The following C12orf54 variants were observed in gnomAD, a reference collection of about 807,000 sequenced individuals.
C12orf54 encodes the protein chromosome 12 open reading frame 54, also known as uncharacterized protein C12orf54.
Under a neutral mutation model 26.4 loss-of-function variants are expected in C12orf54, and 24 were observed. The observed-to-expected ratio is 0.91, with a 90% CI of 0.66 to 1.28. C12orf54 has a LOEUF of 1.28. Among genes scored for constraint, C12orf54 ranks in the 50% most tolerant of loss-of-function variants. The pLI, the probability that C12orf54 is intolerant of heterozygous loss-of-function variation, is 0.00. For missense variants in C12orf54, 154 were observed against 150.9 expected (o/e 1.02, Z -0.11); for synonymous variants, 54 against 47.0 (o/e 1.15, Z -0.61).
chr12:48,455,793 A>T, the C12orf54 span, among the ~76,000 whole-genome samples: 1 of 152,226 alleles, frequency 6.6e-6, no homozygotes, highest in Non-Finnish European at 1.5e-5. Flanking sequence ...TGATACATAC[A>T]CATAAATGAT....
the C12orf54 span, among the ~76,000 whole-genome samples, chr12:48,421,398 G>T: frequency 6.6e-6 from 1 of 151,254 alleles, no homozygotes; most frequent in Non-Finnish European, 1.5e-5. Flanking sequence ...ATGAGAAACT[G>T]CCCCCAGGAT....
the C12orf54 span, among the ~76,000 whole-genome samples, chr12:48,425,241 A>C: frequency 6.6e-6 from 1 of 151,812 alleles, no homozygotes; most frequent in Non-Finnish European, 1.5e-5. Flanking sequence ...CCCATCCTCC[A>C]CCCTCAAGTA....
the C12orf54 span, among the ~76,000 whole-genome samples, chr12:48,449,174 G>A: frequency 1.2e-4 from 19 of 152,100 alleles, no homozygotes; most frequent in Non-Finnish European, 2.4e-4. Flanking sequence ...GATGACAACT[G>A]TTTCCTATTC....
the C12orf54 span, among the ~76,000 whole-genome samples, chr12:48,419,346 T>C: frequency 1.3e-5 from 2 of 152,194 alleles, no homozygotes; most frequent in Admixed American, 1.3e-4. Context: ...CTTATCTCAA[T>C]TTTTCCAGTC....
the C12orf54 span, among the ~76,000 whole-genome samples, chr12:48,468,138 C>G: frequency 2.6e-5 from 4 of 152,048 alleles, no homozygotes; most frequent in African/African-American, 9.7e-5. Flanking sequence ...ATCAGACAAA[C>G]AAAACTATTA....
the C12orf54 span, among the ~76,000 whole-genome samples, chr12:48,414,110 T>A: frequency 1.3e-5 from 2 of 152,232 alleles, no homozygotes; most frequent in Admixed American, 1.3e-4. Flanking sequence ...TCCTAAAATA[T>A]CTTATTCCAG....
At chr12:48,486,069 G>T in intron 2 of C12orf54, 109 bp from the exon 3 acceptor site, 2 of 1,106,318 alleles carry the variant, frequency 1.8e-6, no homozygotes, top group East Asian at 2.4e-5. Flanking sequence ...TGGATTTTTA[G>T]TATAGAAACT....
chr12:48,417,203 G>T, the C12orf54 span: 1 of 152,212 alleles, frequency 6.6e-6, no homozygotes, highest in African/African-American at 2.4e-5. Flanking sequence ...CTGATCACCA[G>T]TGGCATTACC....
the C12orf54 span, among the ~76,000 whole-genome samples, chr12:48,422,199 GA>G: frequency 1.3e-5 from 2 of 150,974 alleles, no homozygotes; most frequent in African/African-American, 4.9e-5. Context: ...TGCTTCTGTT[GA>G]AAAAAAAATA....
At chr12:48,417,561 CT>C in the C12orf54 span, among the ~76,000 whole-genome samples, 7 of 152,190 alleles carry the variant, frequency 4.6e-5, no homozygotes, top group African/African-American at 1.4e-4. Flanking sequence ...GCCATTAGGT[CT>C]TTCAAAAAAT....
intron 6 of C12orf54, 131 bp downstream of exon 6, chr12:48,490,967 GTC>G (rs1937777445): frequency 8.7e-7 from 1 of 1,144,550 alleles, no homozygotes; most frequent in South Asian, 1.3e-5. Context: ...TCATCCCAAA[GTC>G]TCACCCTAGG....
the C12orf54 span, among the ~76,000 whole-genome samples, chr12:48,447,216 G>GTGTA: frequency 0.32 from 46,801 of 145,668 alleles, 8,456 homozygotes; most frequent in Non-Finnish European, 0.43. Flanking sequence ...CTTACTCTGT[G>GTGTA]TGTGTGTGTG....
At chr12:48,449,307 T>C in the C12orf54 span, among the ~76,000 whole-genome samples, 7 of 152,224 alleles carry the variant, frequency 4.6e-5, 1 homozygote, top group Middle Eastern at 0.02. Context: ...ATGCAAATTT[T>C]CCCCCACAAA....
At chr12:48,486,266 G>A in intron 3 of C12orf54, 58 bp downstream of exon 3, 2 of 1,543,078 alleles carry the variant, frequency 1.3e-6, no homozygotes, top group Non-Finnish European at 1.8e-6. Context: ...CTAGGGAGAG[G>A]GGAGGAGAAG....
At chr12:48,413,868 G>A in the C12orf54 span, among the ~76,000 whole-genome samples, 2 of 152,046 alleles carry the variant, frequency 1.3e-5, no homozygotes, top group Admixed American at 1.3e-4. Context: ...AAAGATCTTG[G>A]CATTTAGCTA....
the C12orf54 span, among the ~76,000 whole-genome samples, chr12:48,422,447 T>G: frequency 6.6e-6 from 1 of 152,196 alleles, no homozygotes; most frequent in Admixed American, 6.6e-5. Context: ...GAGGCCATGC[T>G]TTTTAGCTTT....
the C12orf54 span, among the ~76,000 whole-genome samples, chr12:48,455,466 C>T: frequency 9.9e-5 from 15 of 152,220 alleles, 1 homozygote; most frequent in South Asian, 2.5e-3. Context: ...TTAAGCAGCT[C>T]ACCAAACCCA....
chr12:48,447,207 T>TC, the C12orf54 span, among the ~76,000 whole-genome samples: 7 of 133,796 alleles, frequency 5.2e-5, no homozygotes, highest in African/African-American at 1.7e-4. Context: ...TCTCTCTCTC[T>TC]TACTCTGTGT....
chr12:48,470,422 G>A, the C12orf54 span, among the ~76,000 whole-genome samples: 1 of 152,044 alleles, frequency 6.6e-6, no homozygotes, highest in Admixed American at 6.6e-5. Context: ...TTGTGATTTT[G>A]ATCTGCATTT....
Sources: gnomAD v4.1 joint callset for allele counts (sites outside exome capture counted in the v4.1 genomes callset) on GRCh38, gnomAD v4.1.1 for gene constraint, MANE v1.5 for transcripts, NCBI Gene and HGNC (gene_info 2026-07-23, HGNC 2026-07-21) for gene names.